The following RBM46 variants were observed in gnomAD, a reference collection of about 807,000 sequenced individuals.
RBM46 encodes the protein probable RNA-binding protein 46.
In RBM46, 12 loss-of-function variants were observed where a neutral mutation model predicts 43.3. The ratio of observed to expected loss-of-function variants is 0.28; its 90% CI spans 0.18 to 0.45. The LOEUF (loss-of-function observed/expected upper bound fraction) is 0.45. RBM46 is among the 20% of genes least tolerant of loss of function. The probability of loss-of-function intolerance (pLI) is 1.00; values close to 1 mark genes in which losing one functional copy is unlikely to be tolerated. For synonymous variants in RBM46, 205 were observed against 207.6 expected, an observed-to-expected ratio of 0.99 and a Z score of 0.11; for missense variants, 412 against 639.1, an observed-to-expected ratio of 0.64 and a Z score of 3.83.
At chr4:154,786,946 T>TAA (rs1335198956) in intron 1 of RBM46, among the ~76,000 whole-genome samples, 1 of 151,950 alleles carries the variant, frequency 6.6e-6, no homozygotes, top group Non-Finnish European at 1.5e-5. Context: ...AAACAATAAC[T>TAA]GTGTGAGGTT....
intron 1 of RBM46, 172 bp downstream of exon 1, chr4:154,781,608 C>T (rs1733466032): frequency 6.6e-6 from 1 of 152,322 alleles, no homozygotes; most frequent in Non-Finnish European, 1.5e-5. Context: ...GTGTCCGAGA[C>T]GCTGCTTCCT....
At position 154,797,820 on chromosome 4, in the gene RBM46, G is replaced by A; in HGVS notation, c.161G>A (p.Gly54Asp). The A allele has an allele frequency of 6.5e-7, 1 of 1,531,262 alleles. No individual in the cohort carries two copies. The highest frequency in any genetic ancestry group is 2.3e-5 in the East Asian group (1 of 44,196). 94.9% of individuals were successfully genotyped at this position (1,531,262 alleles called of 1,614,324 possible). A position where few individuals can be genotyped will look rare whatever the true frequency, so the allele number is the denominator to read the frequency against. Reference sequence around the variant, plus strand: ...CATTTTTGTCGTTCAGGTTGGGAAGGTCCACCTCCACCTAGAGGCTGTGAA... The same window carrying A: ...CATTTTTGTCGTTCAGGTTGGGAAGATCCACCTCCACCTAGAGGCTGTGAA... Reference protein sequence around the residue: ...KFGGPPPGWEGPPPPRGCEVF... With the variant: ...KFGGPPPGWEDPPPPRGCEVF... The change falls in exon 3 of 5, where the codon GGT becomes GAT. Residue 54 changes from glycine (G) to aspartate (D), a missense_variant. By Grantham distance (94) the Gly-to-Asp change is moderately conservative. This residue lies in a region of RBM46 where 27 missense variants were observed against 115.8 expected (regional missense o/e 0.23). Coordinates refer to ENST00000281722, the MANE Select transcript of RBM46 (RefSeq NM_144979.5).
intron 4 of RBM46, among the ~76,000 whole-genome samples, chr4:154,802,638 GGTT>G (rs1419383195): frequency 2.6e-5 from 4 of 151,944 alleles, no homozygotes; most frequent in African/African-American, 9.7e-5. Flanking sequence ...AGTCTTGAGA[GGTT>G]GTTATTAGTT....
intron 4 of RBM46, among the ~76,000 whole-genome samples, chr4:154,810,577 G>T (rs532076006): frequency 2.3e-4 from 35 of 152,140 alleles, no homozygotes; most frequent in Non-Finnish European, 4.4e-4. Context: ...AAGTCTAAAA[G>T]AGCAAAGTTT....
intron 1 of RBM46, among the ~76,000 whole-genome samples, chr4:154,792,385 C>T (rs762405432): frequency 1.3e-5 from 2 of 152,108 alleles, no homozygotes; most frequent in African/African-American, 2.4e-5. Context: ...AAAGTGCTTG[C>T]CAAAATCTGA....
chr4:154,827,002 C>CAA, intron 4 of RBM46: 1 of 1,264,112 alleles, frequency 7.9e-7, no homozygotes, highest in Non-Finnish European at 9.9e-7. Context: ...TAGTCATTGT[C>CAA]ACACCCTTGG....
chr4:154,803,546 C>CA (rs1734742581), intron 4 of RBM46, among the ~76,000 whole-genome samples: 1 of 150,974 alleles, frequency 6.6e-6, no homozygotes, highest in African/African-American at 2.4e-5. Flanking sequence ...ACTAAAAATA[C>CA]AAAAAAATTA....
intron 4 of RBM46, among the ~76,000 whole-genome samples, chr4:154,815,654 G>A (rs1284148060): frequency 1.3e-5 from 2 of 151,880 alleles, no homozygotes; most frequent in Admixed American, 1.3e-4. Flanking sequence ...TTATTGGTTT[G>A]TCTGTTTTTT....
intron 1 of RBM46, among the ~76,000 whole-genome samples, chr4:154,790,919 T>C (rs1008234659): frequency 9.2e-5 from 14 of 152,214 alleles, no homozygotes; most frequent in Non-Finnish European, 8.8e-5. Flanking sequence ...TTTGAGGTTT[T>C]TGTTGACAGC....
chr4:154,811,649 A>G (rs1454883837), intron 4 of RBM46, among the ~76,000 whole-genome samples: 2 of 134,144 alleles, frequency 1.5e-5, no homozygotes, highest in Non-Finnish European at 3.1e-5. Flanking sequence ...GGTAGATAGG[A>G]TATGTGTGTG....
chr4:154,787,206 T>A (rs1733821503), intron 1 of RBM46: 1 of 151,532 alleles, frequency 6.6e-6, no homozygotes, highest in Admixed American at 6.6e-5. Context: ...GAGGACAAAT[T>A]TTTTTTTTAA....
chr4:154,795,463 T>G (rs1302033604), intron 1 of RBM46, among the ~76,000 whole-genome samples: 1 of 152,164 alleles, frequency 6.6e-6, no homozygotes, highest in Admixed American at 6.5e-5. Flanking sequence ...CTAAAGTATT[T>G]TTATGTAGTA....
chr4:154,806,415 AAGTT>A (rs955745615), intron 4 of RBM46, among the ~76,000 whole-genome samples: 1 of 151,792 alleles, frequency 6.6e-6, no homozygotes, highest in African/African-American at 2.4e-5. Flanking sequence ...TTTATTTAGT[AAGTT>A]TTAAGGAATC....
intron 4 of RBM46, among the ~76,000 whole-genome samples, chr4:154,820,991 G>A (rs1473383029): frequency 6.6e-6 from 1 of 151,762 alleles, no homozygotes; most frequent in Non-Finnish European, 1.5e-5. Flanking sequence ...CTACATCTGT[G>A]TCCTTGAGTA....
chr4:154,784,651 T>A (rs1379089753), intron 1 of RBM46, among the ~76,000 whole-genome samples: 1 of 152,232 alleles, frequency 6.6e-6, no homozygotes, highest in Admixed American at 6.5e-5. Context: ...GCACAACTTT[T>A]AATTTCTCAT....
chr4:154,799,755 C>CTTTTTT (rs35629123), intron 4 of RBM46, among the ~76,000 whole-genome samples, 191 bp downstream of exon 4: 5 of 114,652 alleles, frequency 4.4e-5, no homozygotes, highest in Non-Finnish European at 8.7e-5. Context: ...TTTAGCTTTT[C>CTTTTTT]TTTTTTTTTT....
At chr4:154,786,330 C>G (rs1733763253) in intron 1 of RBM46, among the ~76,000 whole-genome samples, 1 of 152,006 alleles carries the variant, frequency 6.6e-6, no homozygotes, top group African/African-American at 2.4e-5. Context: ...CTCAGGCAAT[C>G]CACCTGCCTC....
rs376966612 is a variant in RBM46 at position 154,809,031 on chromosome 4, C to G, written c.1402+9467C>G. Among the ~76,000 whole-genome samples the G allele has an allele frequency of 6.7e-5, 10 of 148,452 alleles. 1 individual carries two copies. In the East Asian group the frequency reaches 1.2e-3, roughly 18 times the overall value. ...ACAAATGAGATAGTAATGATTTTCT[C>G]TATTTCTTAATATTTTCCCTATTTT... On this transcript the variant is annotated intron_variant, in intron 4 of 4. Coordinates refer to ENST00000281722, the MANE Select transcript of RBM46 (RefSeq NM_144979.5).
rs775028218 is a variant in RBM46 at position 154,827,954 on chromosome 4, A to C, written c.1489A>C (p.Thr497Pro). The change falls in exon 5 of 5, where the codon ACT becomes CCT. Residue 497 changes from threonine to proline, a missense_variant. By Grantham distance (38) the Thr-to-Pro change is conservative. Around this residue, in one of 8 missense-constraint regions of RBM46, gnomAD observed 149 missense variants for 156.3 expected, o/e 0.95. Transcript: ENST00000281722. ...SSGTPSVLPY[T>P]SRPYSYPGYP... ...TGGGACTCCCAGCGTGCTTCCTTAT[A>C]CTTCAAGGCCTTATTCTTATCCAGG... 2 of 1,613,660 alleles carry C rather than the reference A, an allele frequency of 1.2e-6. No homozygotes were observed. Among genetic ancestry groups the C allele is most frequent in the African/African-American group, 1.3e-5 (1 of 74,878 alleles).
Sources: allele counts gnomAD v4.1 joint callset (sites outside exome capture counted in the v4.1 genomes callset), GRCh38; gene constraint gnomAD v4.1.1; regional missense constraint gnomAD v4.1.1; transcripts MANE v1.5; gene names NCBI Gene and HGNC (gene_info 2026-07-23, HGNC 2026-07-21).